ADAMTS20: variants seen among roughly 807,000 people sequenced by gnomAD.
ADAMTS20 encodes the protein ADAM metallopeptidase with thrombospondin type 1 motif 20.
Under a neutral mutation model 260.1 loss-of-function variants are expected in ADAMTS20, and 225 were observed. The ratio of observed to expected loss-of-function variants is 0.87; its 90% CI spans 0.78 to 0.97. The LOEUF is 0.97. Ranked by LOEUF, ADAMTS20 falls within the 50% of genes least tolerant of loss-of-function variation. The pLI is 0.00. For synonymous variants in ADAMTS20, 802 were observed against 769.5 expected (o/e 1.04, Z -0.70); for missense variants, 2,400 against 2,337.7 (o/e 1.03, Z -0.55).
At chr12:43,449,476 G>A (rs1383969326) in intron 14 of ADAMTS20, among the ~76,000 whole-genome samples, 3 of 152,018 alleles carry the variant, frequency 2.0e-5, no homozygotes, top group Non-Finnish European at 4.4e-5. Context: ...ACACACTGGG[G>A]CCTGCTGAGG....
intron 28 of ADAMTS20, among the ~76,000 whole-genome samples, chr12:43,407,291 T>A (rs1045289401): frequency 6.6e-6 from 1 of 151,794 alleles, no homozygotes; most frequent in African/African-American, 2.4e-5. Flanking sequence ...TAACAACAAA[T>A]ATATCCAGCA....
chr12:43,523,863 C>T (rs1011449757), intron 3 of ADAMTS20, among the ~76,000 whole-genome samples: 6 of 109,804 alleles, frequency 5.5e-5, no homozygotes, highest in African/African-American at 1.5e-4. Context: ...TGCCCCAGCA[C>T]CCCCCTCCCC....
At position 43,377,248 on chromosome 12, in the gene ADAMTS20, A is replaced by G. The variant is rs902251745; in HGVS notation, c.4995+117T>C. The G allele has an allele frequency of 2.0e-5, 16 of 793,458 alleles. No individual in the cohort carries two copies. The African/African-American group carries it at 2.8e-4, about 14-fold the overall frequency. The allele number at this position is 793,458 out of a possible 1,614,324, so 49.2% of individuals were successfully genotyped here. On this transcript the variant is annotated intron_variant, in intron 32 of 38. Coordinates refer to ENST00000389420, the MANE Select transcript of ADAMTS20 (RefSeq NM_025003.5). Reference sequence around the variant, plus strand: ...AAATAACTGGTAATGTGGATTTTAGAAAATAGTGGTCTGAGGCAACTCTGA... The same window carrying G: ...AAATAACTGGTAATGTGGATTTTAGGAAATAGTGGTCTGAGGCAACTCTGA...
intron 3 of ADAMTS20, among the ~76,000 whole-genome samples, chr12:43,522,026 A>G (rs1243018149): frequency 6.6e-6 from 1 of 152,230 alleles, no homozygotes; most frequent in African/African-American, 2.4e-5. Flanking sequence ...GGCTGACATC[A>G]TCTTAATACC....
At chr12:43,448,940 C>T (rs1309622033) in intron 14 of ADAMTS20, among the ~76,000 whole-genome samples, 1 of 152,108 alleles carries the variant, frequency 6.6e-6, no homozygotes, top group Non-Finnish European at 1.5e-5. Context: ...AATAAGATAG[C>T]ATCTCACACC....
chr12:43,360,050 G>C (rs1198731467), intron 37 of ADAMTS20, among the ~76,000 whole-genome samples: 1 of 152,058 alleles, frequency 6.6e-6, no homozygotes, highest in Non-Finnish European at 1.5e-5. Context: ...ACAAGGTTCG[G>C]ACTAAAATGC....
chr12:43,393,747 A>G (rs1431386688), intron 29 of ADAMTS20, among the ~76,000 whole-genome samples: 2 of 152,070 alleles, frequency 1.3e-5, no homozygotes, highest in Admixed American at 1.3e-4. Context: ...TAGTACCATT[A>G]GCAGTAGTAT....
intron 29 of ADAMTS20, among the ~76,000 whole-genome samples, chr12:43,394,524 C>T (rs1180790944): frequency 2.6e-5 from 4 of 151,956 alleles, no homozygotes; most frequent in Non-Finnish European, 5.9e-5. Context: ...CCTGTAAAAT[C>T]TATATATATA....
At chr12:43,423,620 G>C (rs1424464757) in intron 28 of ADAMTS20, 11 of 636,238 alleles carry the variant, frequency 1.7e-5, no homozygotes, top group Non-Finnish European at 2.8e-5. Context: ...CCAATAAAAT[G>C]AAAGAAGATG....
downstream of ADAMTS20, among the ~76,000 whole-genome samples, chr12:43,353,293 A>G (rs1939673267): frequency 6.6e-6 from 1 of 152,000 alleles, no homozygotes; most frequent in South Asian, 2.1e-4. Context: ...ACTTTTACAT[A>G]TGCCAATATA....
In ADAMTS20 at chr12:43,434,349, A is replaced by G. The variant is rs746810729; in HGVS notation, c.2616T>C (p.Thr872=). Residue 872 remains threonine, a synonymous_variant, in exon 19 of 39, where the codon ACT becomes ACC. Transcript: ENST00000389420. ...MCQGLQRRNI[T]CIHKSDHSVV... is the part of the protein sequence containing the mutation. ...CACTATGATCACTCTTATGTATGCA[A>G]GTTATGTTTCTTCGCTGAAGACCTT... is the stretch of plus-strand genomic sequence containing the variant. The G allele has an allele frequency of 1.3e-6, 2 of 1,587,076 alleles. No individual in the cohort carries two copies. Among genetic ancestry groups the G allele is most frequent in the South Asian group, 2.3e-5 (2 of 86,108 alleles).
intron 7 of ADAMTS20, among the ~76,000 whole-genome samples, chr12:43,482,625 A>G (rs966185355): frequency 2.0e-5 from 3 of 152,236 alleles, no homozygotes; most frequent in Admixed American, 2.0e-4. Context: ...GCTTGTGCCT[A>G]CATGTGGAGA....
chr12:43,429,578 A>G, intron 24 of ADAMTS20, 39 bp downstream of exon 24: 1 of 1,393,394 alleles, frequency 7.2e-7, no homozygotes, highest in Non-Finnish European at 9.9e-7. Context: ...AAAAGCTACC[A>G]TAATAGAAAC....
At chr12:43,364,572 C>A (rs548226071) in intron 37 of ADAMTS20, among the ~76,000 whole-genome samples, 6 of 151,948 alleles carry the variant, frequency 3.9e-5, no homozygotes, top group South Asian at 2.1e-4. Flanking sequence ...ATGAAAAGTA[C>A]AATAATCAAG....
intron 11 of ADAMTS20, among the ~76,000 whole-genome samples, chr12:43,454,962 T>G (rs2137358146): frequency 6.6e-6 from 1 of 152,342 alleles, no homozygotes; most frequent in African/African-American, 2.4e-5. Flanking sequence ...TTCAATAGTG[T>G]TAGGTATACT....
At chr12:43,450,113 A>G (rs1941837929) in intron 14 of ADAMTS20, among the ~76,000 whole-genome samples, 1 of 152,192 alleles carries the variant, frequency 6.6e-6, no homozygotes, top group South Asian at 2.1e-4. Context: ...TTAGCTTCAA[A>G]TAAGTATTTA....
chr12:43,499,834 A>G (rs574364832), intron 4 of ADAMTS20, among the ~76,000 whole-genome samples: 30 of 152,222 alleles, frequency 2.0e-4, no homozygotes, highest in African/African-American at 6.0e-4. Context: ...TATAGATAAC[A>G]AAACCTTTCT....
chr12:43,511,791 C>T (rs1283109497), intron 3 of ADAMTS20, among the ~76,000 whole-genome samples: 1 of 152,072 alleles, frequency 6.6e-6, no homozygotes, highest in Non-Finnish European at 1.5e-5. Flanking sequence ...ACATTTTACA[C>T]TTCTTCACTA....
At chr12:43,461,390 T>G (rs1363621656) in intron 11 of ADAMTS20, among the ~76,000 whole-genome samples, 1 of 152,172 alleles carries the variant, frequency 6.6e-6, no homozygotes, top group Non-Finnish European at 1.5e-5. Flanking sequence ...ATTGTATACC[T>G]AAGATCTATG....
Sources: allele counts gnomAD v4.1 joint callset (sites outside exome capture counted in the v4.1 genomes callset), GRCh38; gene constraint gnomAD v4.1.1; transcripts MANE v1.5; gene names NCBI Gene and HGNC (gene_info 2026-07-23, HGNC 2026-07-21).